The following DCX variants were observed in gnomAD, a reference collection of about 807,000 sequenced individuals.
DCX encodes the protein doublecortin.
A neutral mutation model predicts 20.9 loss-of-function variants in DCX; 4 were observed. The ratio of observed to expected loss-of-function variants is 0.19; its 90% CI spans 0.09 to 0.44. The LOEUF (loss-of-function observed/expected upper bound fraction) is 0.44, where lower values mean the gene tolerates loss of function less well. Among genes scored for constraint, DCX ranks in the 20% least tolerant of loss-of-function variants. DCX has a pLI of 0.99. For synonymous variants in DCX, 103 were observed against 111.4 expected (o/e 0.92, Z 0.47); for missense variants, 133 against 296.9 (o/e 0.45, Z 4.06).
At chrX:111,357,989 G>A (rs913846704) in intron 3 of DCX, among the ~76,000 whole-genome samples, 26 of 109,531 alleles carry the variant, frequency 2.4e-4, no homozygotes, top group African/African-American at 7.0e-4. Context: ...CACCACGCCC[G>A]GCTAATTGTT....
At chrX:111,315,845 C>T (rs1446092235) in intron 5 of DCX, among the ~76,000 whole-genome samples, 2 of 24,552 alleles carry the variant, frequency 8.1e-5, no homozygotes, top group Admixed American at 4.7e-4. Context: ...AACCAAACAC[C>T]GCATATTCTC....
At chrX:111,318,249 C>T (rs1478904745) in intron 5 of DCX, among the ~76,000 whole-genome samples, 1 of 103,835 alleles carries the variant, frequency 9.6e-6, no homozygotes, top group Non-Finnish European at 2.0e-5. Flanking sequence ...AAAGGGAATG[C>T]TTATGCACTG....
rs897031342 is a variant in DCX at position 111,346,036 on chromosome X, G to A, written c.706-12883C>T. ...TTCCTATGTTTGCTGGCCACATAAT[G>A]TCTTATTTTGAGAAGTCTGTTCATA... On this transcript the variant is annotated intron_variant, in intron 3 of 6. Transcript: ENST00000636035. Among the ~76,000 whole-genome samples the A allele has an allele frequency of 8.6e-4, 94 of 109,450 alleles. 1 individual carries two copies. The highest frequency in any genetic ancestry group is 3.0e-3 in the African/African-American group (91 of 30,191).
At chrX:111,318,117 G>A (rs185047432) in intron 5 of DCX, among the ~76,000 whole-genome samples, 63 of 103,823 alleles carry the variant, frequency 6.1e-4, no homozygotes, top group African/African-American at 2.1e-3. Context: ...CCAGGGAGGC[G>A]GAGGTTGCAG....
intron 5 of DCX, among the ~76,000 whole-genome samples, chrX:111,328,937 T>TA (rs34496887): frequency 6.7e-4 from 72 of 107,115 alleles, no homozygotes; most frequent in East Asian, 1.7e-3. Context: ...AACTGTGAGA[T>TA]AAAAAAAAAA....
chrX:111,306,136 G>A lies in DCX; in HGVS notation c.1045-4393C>T, dbSNP rs1383904329. ...AGCAATCCAATTAAAGGCAGAGACT[G>A]GCAAAATAGATTTTTTAAAAACATG... is the stretch of plus-strand genomic sequence containing the variant. On this transcript the variant is annotated intron_variant, in intron 6 of 6. Coordinates refer to ENST00000636035, the MANE Select transcript of DCX (RefSeq NM_001195553.2). Among the ~76,000 whole-genome samples the A allele has an allele frequency of 4.5e-5, 5 of 111,183 alleles. No individual in the cohort carries two copies. In the Admixed American group the frequency reaches 4.8e-4, roughly 11 times the overall value.
At chrX:111,373,051 CAATGAAATGAAATGA>C (rs200014473) in intron 3 of DCX, among the ~76,000 whole-genome samples, 1,079 of 107,774 alleles carry the variant, frequency 0.01, 10 homozygotes, top group African/African-American at 0.035. Context: ...GCTGATAACA[CAATGAAATGAAATGA>C]AATGAAATGA....
intron 5 of DCX, among the ~76,000 whole-genome samples, chrX:111,317,392 G>A (rs759050868): frequency 2.7e-5 from 3 of 110,992 alleles, no homozygotes; most frequent in Admixed American, 9.6e-5. Flanking sequence ...GTTGGATCTC[G>A]GCCCTTTCCT....
At chrX:111,380,038 T>C (rs979473241) in intron 3 of DCX, among the ~76,000 whole-genome samples, 1 of 111,592 alleles carries the variant, frequency 9.0e-6, no homozygotes, top group African/African-American at 3.2e-5. Context: ...ATTATCTTTT[T>C]ATTATTGATG....
At chrX:111,316,416 G>A (rs966399470) in intron 5 of DCX, among the ~76,000 whole-genome samples, 3 of 110,730 alleles carry the variant, frequency 2.7e-5, no homozygotes, top group Admixed American at 9.6e-5. Flanking sequence ...ATTTTTAGTA[G>A]AGATGGGGTT....
intron 5 of DCX, among the ~76,000 whole-genome samples, chrX:111,322,435 T>G (rs2095088815): frequency 8.9e-6 from 1 of 112,179 alleles, no homozygotes; most frequent in Non-Finnish European, 1.9e-5. Flanking sequence ...CAGAGGGAGA[T>G]CTCAACACAC....
At chrX:111,352,015 G>A (rs752960565) in intron 3 of DCX, among the ~76,000 whole-genome samples, 38 of 112,141 alleles carry the variant, frequency 3.4e-4, no homozygotes, top group South Asian at 7.6e-4. Context: ...GGGAGCCACT[G>A]TGCCTGGCCT....
intron 6 of DCX, among the ~76,000 whole-genome samples, chrX:111,309,627 C>T (rs1044181791): frequency 1.8e-5 from 2 of 111,842 alleles, no homozygotes; most frequent in East Asian, 2.8e-4. Context: ...ATATTCCTGC[C>T]CCAAATTCAG....
chrX:111,351,670 A>G lies in DCX; in HGVS notation c.706-18517T>C, dbSNP rs181233151. Among the ~76,000 whole-genome samples the G allele has an allele frequency of 3.7e-3, 416 of 112,267 alleles. 3 individuals are homozygous for G. Among genetic ancestry groups the G allele is most frequent in the African/African-American group, 0.013 (392 of 30,917 alleles). ...GGGAAGTATGAGATTGCAGATGCCTATAGCTGCTACCTTAGTTTTCCTGGT... is the reference window on the plus strand; with the variant it reads ...GGGAAGTATGAGATTGCAGATGCCTGTAGCTGCTACCTTAGTTTTCCTGGT... On this transcript the variant is annotated intron_variant, in intron 3 of 6. Coordinates refer to ENST00000636035, the MANE Select transcript of DCX (RefSeq NM_001195553.2).
chrX:111,323,603 G>GGTTT (rs2095092009), intron 5 of DCX, among the ~76,000 whole-genome samples: 2 of 52,177 alleles, frequency 3.8e-5, no homozygotes, highest in African/African-American at 1.5e-4. Flanking sequence ...TATTATTTCT[G>GGTTT]TTTTTTTTTT....
chrX:111,327,668 G>A lies in DCX; in HGVS notation c.946+3236C>T, dbSNP rs147832145. Among the ~76,000 whole-genome samples the A allele has an allele frequency of 1.5e-3, 172 of 112,119 alleles. 1 individual carries two copies. Among genetic ancestry groups the A allele is most frequent in the African/African-American group, 5.3e-3 (164 of 30,751 alleles). ...AATCACAAAGCTAGGAAGTGGCGTAGCTGGGACTTCTTAGAGAGTCATCTC... is the reference window on the plus strand; with the variant it reads ...AATCACAAAGCTAGGAAGTGGCGTAACTGGGACTTCTTAGAGAGTCATCTC... On this transcript the variant is annotated intron_variant, in intron 5 of 6. Coordinates refer to ENST00000636035, the MANE Select transcript of DCX (RefSeq NM_001195553.2).
chrX:111,404,133 A>C (rs1389897488), intron 2 of DCX, among the ~76,000 whole-genome samples: 1 of 111,078 alleles, frequency 9.0e-6, no homozygotes, highest in Non-Finnish European at 1.9e-5. Flanking sequence ...GCACTTGATA[A>C]ATTTCTGTTA....
At chrX:111,404,533 A>G (rs187836913) in intron 2 of DCX, among the ~76,000 whole-genome samples, 2 of 112,118 alleles carry the variant, frequency 1.8e-5, no homozygotes, top group Non-Finnish European at 3.8e-5. Flanking sequence ...TCAAATCTCA[A>G]CTAGGCACTT....
intron 3 of DCX, among the ~76,000 whole-genome samples, chrX:111,379,666 T>C (rs185280794): frequency 8.9e-6 from 1 of 111,899 alleles, no homozygotes; most frequent in Non-Finnish European, 1.9e-5. Flanking sequence ...AATAATGCTG[T>C]TTTGAATATC....
Sources: gnomAD v4.1 joint callset for allele counts (sites outside exome capture counted in the v4.1 genomes callset) on GRCh38, gnomAD v4.1.1 for gene constraint, MANE v1.5 for transcripts, NCBI Gene and HGNC (gene_info 2026-07-23, HGNC 2026-07-21) for gene names.